Variants in ITSN1 observed in about 807,000 individuals in gnomAD.
ITSN1 encodes intersectin-1.
In ITSN1, 58 loss-of-function variants were observed where a neutral mutation model predicts 239.8. That is an observed-to-expected ratio of 0.24 (90% CI 0.20 to 0.30). The LOEUF (loss-of-function observed/expected upper bound fraction) is 0.30, where lower values mean the gene tolerates loss of function less well. ITSN1 is among the 10% of genes least tolerant of loss of function. The pLI, the probability that ITSN1 is intolerant of heterozygous loss-of-function variation, is 1.00. For missense variants in ITSN1, 1,558 were observed against 2,103.3 expected, an observed-to-expected ratio of 0.74 and a Z score of 5.07; for synonymous variants, 780 against 770.8, an observed-to-expected ratio of 1.01 and a Z score of -0.20.
intron 1 of ITSN1, among the ~76,000 whole-genome samples, chr21:33,645,340 G>A (rs990015562): frequency 6.6e-6 from 1 of 152,212 alleles, no homozygotes; most frequent in African/African-American, 2.4e-5. Context: ...CATTAATGGA[G>A]GCACTTGTTA....
intron 22 of ITSN1, chr21:33,814,329 G>A (rs919152286): frequency 6.5e-6 from 3 of 461,548 alleles, no homozygotes; most frequent in African/African-American, 3.9e-5. Flanking sequence ...CACTTGAGCT[G>A]CATCTTGACC....
chr21:33,691,185 A>C (rs991341926), intron 1 of ITSN1, among the ~76,000 whole-genome samples: 1 of 152,044 alleles, frequency 6.6e-6, no homozygotes, highest in African/African-American at 2.4e-5. Context: ...TTGAGGCAGG[A>C]CCTGTGTCTT....
In ITSN1 at chr21:33,669,905, C is replaced by T. The variant is rs2090162077; in HGVS notation, c.-33+27192C>T. On this transcript the variant is annotated intron_variant, in intron 1 of 39. Transcript: ENST00000381318. Reference sequence around the variant, plus strand: ...TTCTTTATCCTGAATTCCTTCCTCCCCCTTACACCTGATTTAATTGTGCAC... The same window carrying T: ...TTCTTTATCCTGAATTCCTTCCTCCTCCTTACACCTGATTTAATTGTGCAC... Among the ~76,000 whole-genome samples, 2 of 152,094 alleles carry T rather than the reference C, an allele frequency of 1.3e-5. 1 individual carries two copies. Among genetic ancestry groups the T allele is most frequent in the African/African-American group, 4.8e-5 (2 of 41,414 alleles).
chr21:33,743,889 A>G (rs1053801812), intron 5 of ITSN1, among the ~76,000 whole-genome samples: 5 of 152,238 alleles, frequency 3.3e-5, no homozygotes, highest in African/African-American at 1.2e-4. Context: ...TTGTGTCCAG[A>G]AAAACTGACT....
intron 29 of ITSN1, among the ~76,000 whole-genome samples, chr21:33,854,887 C>A (rs1979021251): frequency 2.0e-5 from 3 of 152,160 alleles, no homozygotes; most frequent in Admixed American, 2.0e-4. Flanking sequence ...AATGATGACT[C>A]ATTTCTGCTG....
At chr21:33,681,617 TTTTA>T (rs2090959596) in intron 1 of ITSN1, among the ~76,000 whole-genome samples, 1 of 12,110 alleles carries the variant, frequency 8.3e-5, no homozygotes, top group Non-Finnish European at 1.8e-4. Flanking sequence ...TGGAACCAGT[TTTTA>T]TTTTATTTTA....
At chr21:33,720,359 A>G (rs1339139532) in intron 2 of ITSN1, among the ~76,000 whole-genome samples, 1 of 152,202 alleles carries the variant, frequency 6.6e-6, no homozygotes, top group Non-Finnish European at 1.5e-5. Context: ...GTGTATTCCC[A>G]GTTTTGTGGA....
intron 1 of ITSN1, among the ~76,000 whole-genome samples, chr21:33,676,780 T>A (rs2090619435): frequency 6.6e-6 from 1 of 152,232 alleles, no homozygotes. Flanking sequence ...GCCATGGTTT[T>A]CTGTCCTTGT....
At chr21:33,681,393 C>T (rs896261808) in intron 1 of ITSN1, among the ~76,000 whole-genome samples, 1 of 151,958 alleles carries the variant, frequency 6.6e-6, no homozygotes, top group Non-Finnish European at 1.5e-5. Flanking sequence ...TGCATGATAG[C>T]TGATTAATAA....
intron 25 of ITSN1, among the ~76,000 whole-genome samples, chr21:33,824,245 G>C (rs1438308825): frequency 6.6e-6 from 1 of 152,144 alleles, no homozygotes; most frequent in East Asian, 1.9e-4. Flanking sequence ...TTGTTAAATA[G>C]AGCCCTAAAA....
At chr21:33,776,558 AAAAGAG>A (rs1052252470) in intron 14 of ITSN1, among the ~76,000 whole-genome samples, 2 of 151,248 alleles carry the variant, frequency 1.3e-5, no homozygotes, top group African/African-American at 4.9e-5. Flanking sequence ...AAAAAAAAAA[AAAAGAG>A]AGAGAAAAGA....
At chr21:33,853,259 G>C (rs563186852) in intron 29 of ITSN1, among the ~76,000 whole-genome samples, 53 of 152,348 alleles carry the variant, frequency 3.5e-4, no homozygotes, top group South Asian at 2.3e-3. Context: ...GGTGGAATTT[G>C]GTGGGGGCAA....
intron 38 of ITSN1, among the ~76,000 whole-genome samples, chr21:33,885,747 C>T (rs890814414): frequency 2.6e-5 from 4 of 152,124 alleles, no homozygotes; most frequent in Non-Finnish European, 5.9e-5. Context: ...GCTGCATTCA[C>T]AGTGGATGTG....
At position 33,833,000 on chromosome 21, in the gene ITSN1, C is replaced by G. The variant is rs144027514; in HGVS notation, c.3352-1307C>G. Among the ~76,000 whole-genome samples the G allele has an allele frequency of 4.0e-3, 614 of 151,822 alleles. 2 individuals carry two copies. The highest frequency in any genetic ancestry group is 6.8e-3 in the Middle Eastern group (2 of 292). On this transcript the variant is annotated intron_variant, in intron 27 of 39. Coordinates refer to ENST00000381318, the MANE Select transcript of ITSN1 (RefSeq NM_003024.3). ...GGCTGTTTCGATCAGAGCCTTGTTT[C>G]TAGACGTGTGTGTGTGTATGTGTAC...
chr21:33,768,800 T>G (rs574563354), intron 11 of ITSN1, among the ~76,000 whole-genome samples: 1 of 152,356 alleles, frequency 6.6e-6, no homozygotes, highest in East Asian at 1.9e-4. Flanking sequence ...TGTCCCAGTT[T>G]ATTGTCTAAA....
chr21:33,895,558 T>A lies in ITSN1; in HGVS notation c.*7258T>A. 6.7e-6 allele frequency: 1 copy of A among 150,040 alleles called. No homozygotes were observed. Among genetic ancestry groups the A allele is most frequent in the South Asian group, 2.1e-4 (1 of 4,748 alleles). 9.3% of individuals were successfully genotyped at this position (150,040 alleles called of 1,614,324 possible). ...GTCTACGTGTGTGTGCACGCATGTG[T>A]GTGCGTGTATGTGTGCGTGTGTGCA... On this transcript the variant is annotated 3_prime_UTR_variant, in exon 40 of 40. Transcript: ENST00000381318.
intron 1 of ITSN1, among the ~76,000 whole-genome samples, chr21:33,683,866 G>C (rs2091101013): frequency 6.6e-6 from 1 of 152,114 alleles, no homozygotes. Flanking sequence ...ATCCATTTTA[G>C]AAATATCCAC....
At chr21:33,874,684 C>T (rs1983409550) in intron 33 of ITSN1, among the ~76,000 whole-genome samples, 1 of 146,608 alleles carries the variant, frequency 6.8e-6, no homozygotes, top group South Asian at 2.1e-4. Flanking sequence ...GAGCCTCTCT[C>T]CGTTGCTGGG....
chr21:33,646,383 A>T (rs1428274181), intron 1 of ITSN1, among the ~76,000 whole-genome samples: 1 of 152,198 alleles, frequency 6.6e-6, no homozygotes, highest in Non-Finnish European at 1.5e-5. Context: ...ATATCAAAAT[A>T]TCATTTTATA....
Sources: gnomAD v4.1 joint callset for allele counts (sites outside exome capture counted in the v4.1 genomes callset) on GRCh38, gnomAD v4.1.1 for gene constraint, MANE v1.5 for transcripts, NCBI Gene and HGNC (gene_info 2026-07-23, HGNC 2026-07-21) for gene names.